Variants in NLGN1 observed in about 807,000 individuals in gnomAD.
NLGN1 encodes neuroligin 1.
A neutral mutation model predicts 65.5 loss-of-function variants in NLGN1; 12 were observed. The observed-to-expected ratio is 0.18, with a 90% CI of 0.12 to 0.30. NLGN1 has a LOEUF of 0.30. NLGN1 is among the 10% of genes least tolerant of loss of function. The probability of loss-of-function intolerance (pLI) is 1.00; values close to 1 mark genes in which losing one functional copy is unlikely to be tolerated. For missense variants in NLGN1, 750 were observed against 1,007.1 expected (o/e 0.74, Z 3.46); for synonymous variants, 350 against 359.5 (o/e 0.97, Z 0.30).
chr3:173,526,124 T>G (rs1340815632), intron 2 of NLGN1, among the ~76,000 whole-genome samples: 3 of 152,116 alleles, frequency 2.0e-5, no homozygotes, highest in African/African-American at 7.2e-5. Context: ...CCGTAGATAT[T>G]TAGTATCTAT....
intron 4 of NLGN1, among the ~76,000 whole-genome samples, chr3:174,036,547 A>G (rs1309757790): frequency 6.6e-6 from 1 of 150,644 alleles, no homozygotes; most frequent in African/African-American, 2.4e-5. Context: ...CATTTTATCT[A>G]GTGACTCCTG....
At chr3:174,203,028 G>A (rs2152777859) in intron 4 of NLGN1, among the ~76,000 whole-genome samples, 1 of 152,082 alleles carries the variant, frequency 6.6e-6, no homozygotes, top group Admixed American at 6.6e-5. Context: ...TTATTTTGAG[G>A]GTAGAGCGTG....
At chr3:173,665,718 G>A (rs1310769404) in intron 3 of NLGN1, among the ~76,000 whole-genome samples, 1 of 152,030 alleles carries the variant, frequency 6.6e-6, no homozygotes, top group Non-Finnish European at 1.5e-5. Context: ...GTATTTCAAT[G>A]GGAAACATTT....
At chr3:173,778,378 A>AGGAAATAGAAATT (rs1780632383) in intron 3 of NLGN1, among the ~76,000 whole-genome samples, 1 of 151,828 alleles carries the variant, frequency 6.6e-6, no homozygotes. Context: ...AGCAGAATTT[A>AGGAAATAGAAATT]TTAGGCGATG....
intron 4 of NLGN1, among the ~76,000 whole-genome samples, chr3:173,876,681 G>A (rs1578930632): frequency 1.3e-5 from 2 of 152,200 alleles, no homozygotes; most frequent in African/African-American, 4.8e-5. Flanking sequence ...TTTCAAAAAG[G>A]CTTAGACACT....
At chr3:174,131,375 T>C (rs1044902607) in intron 4 of NLGN1, among the ~76,000 whole-genome samples, 5 of 152,202 alleles carry the variant, frequency 3.3e-5, no homozygotes, top group African/African-American at 1.2e-4. Flanking sequence ...TGTGTTCTTC[T>C]ATTAGCCATA....
At chr3:174,240,497 A>G (rs940868323) in intron 4 of NLGN1, among the ~76,000 whole-genome samples, 1 of 152,192 alleles carries the variant, frequency 6.6e-6, no homozygotes. Flanking sequence ...AAAAATTTTT[A>G]AATTACCAAG....
chr3:173,709,566 T>G (rs1260577717), intron 3 of NLGN1, among the ~76,000 whole-genome samples: 1 of 147,728 alleles, frequency 6.8e-6, no homozygotes, highest in Admixed American at 6.8e-5. Flanking sequence ...CTTGGGGAGG[T>G]TGAGACAGGT....
intron 4 of NLGN1, among the ~76,000 whole-genome samples, chr3:173,874,901 A>G (rs1284893033): frequency 1.3e-5 from 2 of 152,188 alleles, no homozygotes; most frequent in Non-Finnish European, 2.9e-5. Flanking sequence ...GGGTAGAGAA[A>G]ACCTAGCCTG....
At chr3:173,550,609 A>G (rs1740667601) in intron 2 of NLGN1, among the ~76,000 whole-genome samples, 1 of 151,980 alleles carries the variant, frequency 6.6e-6, no homozygotes, top group South Asian at 2.1e-4. Flanking sequence ...AAAATGCATA[A>G]TGTTTACAAA....
intron 4 of NLGN1, among the ~76,000 whole-genome samples, chr3:174,141,200 G>T (rs1004328235): frequency 2.6e-5 from 4 of 151,972 alleles, no homozygotes; most frequent in Admixed American, 6.6e-5. Flanking sequence ...ACAAGAAAAA[G>T]ACTTTTTTTT....
At chr3:173,723,786 T>C (rs1578132735) in intron 3 of NLGN1, among the ~76,000 whole-genome samples, 1 of 152,136 alleles carries the variant, frequency 6.6e-6, no homozygotes. Flanking sequence ...ATGAAAAGAA[T>C]AGACTGACTG....
At chr3:174,267,957 A>T (rs4894664) in intron 4 of NLGN1, among the ~76,000 whole-genome samples, 50,558 of 151,986 alleles carry the variant, frequency 0.33, 8,991 homozygotes, top group East Asian at 0.54. Flanking sequence ...TTACAATGGG[A>T]ACACTTAAGA....
chr3:173,953,306 T>C (rs1235821369), intron 4 of NLGN1, among the ~76,000 whole-genome samples: 1 of 152,140 alleles, frequency 6.6e-6, no homozygotes, highest in African/African-American at 2.4e-5. Flanking sequence ...ACATAAGTTG[T>C]TTTTCAAAAA....
intron 2 of NLGN1, among the ~76,000 whole-genome samples, chr3:173,448,736 C>T (rs2148831479): frequency 6.6e-6 from 1 of 152,268 alleles, no homozygotes; most frequent in Middle Eastern, 3.4e-3. Flanking sequence ...GCCTCAATTT[C>T]AGAGCCTGTT....
At chr3:174,147,222 A>T (rs1325891960) in intron 4 of NLGN1, among the ~76,000 whole-genome samples, 1 of 152,036 alleles carries the variant, frequency 6.6e-6, no homozygotes, top group Non-Finnish European at 1.5e-5. Flanking sequence ...AGGATGTCAT[A>T]GGTAGCGTCT....
intron 4 of NLGN1, among the ~76,000 whole-genome samples, chr3:173,820,234 A>ACCAGTGGC (rs144326912): frequency 0.011 from 1,622 of 152,000 alleles, 41 homozygotes; most frequent in African/African-American, 0.037. Context: ...TTACCTCAAT[A>ACCAGTGGC]CCAGTGGCAA....
chr3:174,025,991 T>A (rs1244965656), intron 4 of NLGN1, among the ~76,000 whole-genome samples: 1 of 152,316 alleles, frequency 6.6e-6, no homozygotes, highest in African/African-American at 2.4e-5. Flanking sequence ...TTGTCAGATA[T>A]AGTTATTTAG....
intron 4 of NLGN1, among the ~76,000 whole-genome samples, chr3:173,921,089 CT>C (rs1336587304): frequency 6.7e-6 from 1 of 150,290 alleles, no homozygotes; most frequent in East Asian, 1.9e-4. Flanking sequence ...CTCAAAAATC[CT>C]CCAAAGCAAT....
Sources: gnomAD v4.1 joint callset for allele counts (sites outside exome capture counted in the v4.1 genomes callset) on GRCh38, gnomAD v4.1.1 for gene constraint, MANE v1.5 for transcripts, NCBI Gene and HGNC (gene_info 2026-07-23, HGNC 2026-07-21) for gene names.